The following PPP2R5C variants were observed in gnomAD, a reference collection of about 807,000 sequenced individuals.
PPP2R5C encodes protein phosphatase 2 regulatory subunit B'gamma.
A neutral mutation model predicts 68.9 loss-of-function variants in PPP2R5C; 7 were observed. The ratio of observed to expected loss-of-function variants is 0.10; its 90% CI spans 0.06 to 0.19. The LOEUF is 0.19. Among genes scored for constraint, PPP2R5C ranks in the 10% least tolerant of loss-of-function variants. PPP2R5C has a pLI of 1.00. For missense variants in PPP2R5C, 348 were observed against 641.3 expected, an observed-to-expected ratio of 0.54 and a Z score of 4.94; for synonymous variants, 210 against 222.2, an observed-to-expected ratio of 0.95 and a Z score of 0.49.
intron 2 of PPP2R5C, among the ~76,000 whole-genome samples, chr14:101,863,402 A>ATT (rs1002039361): frequency 2.0e-5 from 3 of 150,002 alleles, no homozygotes; most frequent in African/African-American, 7.4e-5. Context: ...CCAAGTTGGG[A>ATT]TTTTTTTTTT....
At chr14:101,873,571 GCCCCGAACAA>G (rs2043560522) in intron 2 of PPP2R5C, among the ~76,000 whole-genome samples, 2 of 152,130 alleles carry the variant, frequency 1.3e-5, no homozygotes, top group Non-Finnish European at 2.9e-5. Context: ...ACTGTTCCCA[GCCCCGAACAA>G]GTACTGGGTT....
intron 1 of PPP2R5C, among the ~76,000 whole-genome samples, chr14:101,762,279 G>A (rs1392432624): frequency 1.3e-5 from 2 of 152,156 alleles, no homozygotes; most frequent in African/African-American, 4.8e-5. Context: ...CGGCCGCCGA[G>A]GGGGTTCGCA....
chr14:101,767,813 C>G (rs1391227537), intron 2 of PPP2R5C, among the ~76,000 whole-genome samples: 1 of 152,198 alleles, frequency 6.6e-6, no homozygotes, highest in African/African-American at 2.4e-5. Context: ...GCAGCCTCAG[C>G]TCCCGAGCTT....
exon 14 of PPP2R5C, chr14:101,926,601 C>T (rs2047296679): frequency 6.6e-6 from 1 of 152,594 alleles, no homozygotes. Context: ...TACTGCTATT[C>T]TAAACACGTG....
chr14:101,814,925 C>G (rs2039569586), intron 1 of PPP2R5C, among the ~76,000 whole-genome samples: 1 of 152,200 alleles, frequency 6.6e-6, no homozygotes, highest in African/African-American at 2.4e-5. Context: ...CCTAGTATTT[C>G]TCCTCCCCAA....
intron 11 of PPP2R5C, among the ~76,000 whole-genome samples, chr14:101,911,981 G>A (rs931831913): frequency 1.3e-5 from 2 of 152,028 alleles, no homozygotes; most frequent in East Asian, 1.9e-4. Context: ...CTCTTAAGAC[G>A]TTTCCTTTTT....
chr14:101,911,471 C>G (rs376910705), intron 11 of PPP2R5C, among the ~76,000 whole-genome samples: 2 of 152,202 alleles, frequency 1.3e-5, no homozygotes, highest in Non-Finnish European at 2.9e-5. Context: ...CAGTGCAGTT[C>G]GCAGGTAGGA....
chr14:101,824,759 T>G (rs942725911), intron 1 of PPP2R5C: 1 of 152,622 alleles, frequency 6.6e-6, no homozygotes, highest in Admixed American at 6.5e-5. Context: ...GGTCGTGTTA[T>G]AGGTGCTGTG....
intron 1 of PPP2R5C, among the ~76,000 whole-genome samples, chr14:101,842,103 C>G (rs2140428843): frequency 6.6e-6 from 1 of 152,298 alleles, no homozygotes; most frequent in African/African-American, 2.4e-5. Context: ...GAAGGGTCCC[C>G]TGTCTTTCAA....
chr14:101,834,155 C>G (rs1381888289), intron 1 of PPP2R5C, among the ~76,000 whole-genome samples: 2 of 152,166 alleles, frequency 1.3e-5, no homozygotes, highest in African/African-American at 4.8e-5. Flanking sequence ...CAAATGTGAT[C>G]CATTCAAGAC....
At chr14:101,862,068 A>G (rs1345616014) in intron 2 of PPP2R5C, among the ~76,000 whole-genome samples, 3 of 152,106 alleles carry the variant, frequency 2.0e-5, no homozygotes, top group Non-Finnish European at 2.9e-5. Flanking sequence ...TTGCACCACC[A>G]TACCCAGCTG....
chr14:101,817,357 T>A (rs1026553249), intron 1 of PPP2R5C, among the ~76,000 whole-genome samples: 2 of 152,092 alleles, frequency 1.3e-5, no homozygotes, highest in Non-Finnish European at 2.9e-5. Context: ...TTGGAAAAAA[T>A]GTACAAAGAA....
At chr14:101,775,454 G>A (rs7156530) in intron 2 of PPP2R5C, among the ~76,000 whole-genome samples, 10,159 of 152,210 alleles carry the variant, frequency 0.067, 1,147 homozygotes, top group African/African-American at 0.23. Flanking sequence ...ATATACTGGG[G>A]TGCTGTTGCC....
chr14:101,872,483 T>C (rs560897552), intron 2 of PPP2R5C, among the ~76,000 whole-genome samples: 1 of 152,192 alleles, frequency 6.6e-6, no homozygotes, highest in South Asian at 2.1e-4. Flanking sequence ...AGCAGTCCTT[T>C]CATCTTGGCC....
intron 5 of PPP2R5C, chr14:101,889,769 C>T (rs2044741221): frequency 1.2e-5 from 4 of 347,578 alleles, no homozygotes; most frequent in South Asian, 8.9e-5. Context: ...CACTTCTACC[C>T]TTTGCAGGAA....
chr14:101,819,138 G>A (rs1258363380), intron 1 of PPP2R5C: 24 of 1,459,536 alleles, frequency 1.6e-5, no homozygotes, highest in Non-Finnish European at 2.2e-5. Context: ...GACAGTTTCT[G>A]TACATGTATA....
chr14:101,883,593 T>G, intron 5 of PPP2R5C, 31 bp downstream of exon 7: 2 of 1,606,652 alleles, frequency 1.2e-6, no homozygotes, highest in Non-Finnish European at 1.7e-6. Context: ...GTTGTCCTTG[T>G]GTGTGGTGAT....
chr14:101,901,563 T>G (rs925887955), intron 8 of PPP2R5C, among the ~76,000 whole-genome samples, 156 bp from the exon 11 acceptor site: 1 of 152,200 alleles, frequency 6.6e-6, no homozygotes, highest in South Asian at 2.1e-4. Flanking sequence ...AAATCACATA[T>G]GATGACTGAG....
Position 101,891,202 on chromosome 14 carries a change from G to A in PPP2R5C, c.689+906G>A, listed in dbSNP as rs768360010. The stretch of plus-strand genomic sequence containing the variant: ...TCCTGCACCTTTTTAGGGATGTAGT[G>A]TAGATGGGCAGTTCCGGGTTCTCAG... On this transcript the variant is annotated intron_variant, in intron 6 of 13. Coordinates refer to ENST00000334743, the Ensembl canonical transcript of PPP2R5C. The surrounding 1 kb of genome is among the most constrained non-coding windows in gnomAD (Gnocchi z 4.9). 6.6e-6 allele frequency among the ~76,000 whole-genome samples: 1 copy of A among 152,138 alleles called. No homozygotes were observed. The highest frequency in any genetic ancestry group is 6.5e-5 in the Admixed American group (1 of 15,280).
Sources: gnomAD v4.1 joint callset for allele counts (sites outside exome capture counted in the v4.1 genomes callset) on GRCh38, gnomAD v4.1.1 for gene constraint, Gnocchi (gnomAD v3.1) non-coding constraint, MANE v1.5 for transcripts, NCBI Gene and HGNC (gene_info 2026-07-23, HGNC 2026-07-21) for gene names.